Variants in ANKS1A observed in about 807,000 individuals in gnomAD.
The protein encoded by ANKS1A is ankyrin repeat and SAM domain-containing protein 1A.
Under a neutral mutation model 120.3 loss-of-function variants are expected in ANKS1A, and 55 were observed. That is an observed-to-expected ratio of 0.46 (90% confidence interval 0.37 to 0.57). The LOEUF (loss-of-function observed/expected upper bound fraction) is 0.57, where lower values mean the gene tolerates loss of function less well. Ranked by LOEUF, ANKS1A falls within the 20% of genes least tolerant of loss-of-function variation. The pLI is 0.00. For synonymous variants in ANKS1A, 590 were observed against 604.7 expected (o/e 0.98, Z 0.36); for missense variants, 1,123 against 1,480.3 (o/e 0.76, Z 3.96).
chr6:35,080,026 T>G (rs1191731570), intron 16 of ANKS1A, 98 bp downstream of exon 16: 6 of 1,364,708 alleles, frequency 4.4e-6, no homozygotes. Context: ...CACTGTAGTG[T>G]AGGAGAAAGC....
Position 35,018,940 on chromosome 6 carries a change from A to G in ANKS1A, c.2010+881A>G, listed in dbSNP as rs9348958. ...GGTTATTCTTACTGTGCTGTCCTGG[A>G]AGGCCAAATACTTCTTCCAGCAGAA... On this transcript the variant is annotated intron_variant, in intron 11 of 23. Coordinates refer to ENST00000360359, the MANE Select transcript of ANKS1A (RefSeq NM_015245.3). Among the ~76,000 whole-genome samples the G allele has an allele frequency of 2.8e-3, 424 of 152,194 alleles. 7 individuals are homozygous for G. Among genetic ancestry groups the G allele is most frequent in the East Asian group, 0.025 (129 of 5,174 alleles).
rs1348810979 is a variant in ANKS1A at position 35,044,194 on chromosome 6, G to A, written c.2011-9905G>A. Among the ~76,000 whole-genome samples the A allele has an allele frequency of 6.6e-6, 1 of 152,272 alleles. No individual in the cohort carries two copies. The highest frequency in any genetic ancestry group is 2.1e-4 in the South Asian group (1 of 4,834). On this transcript the variant is annotated intron_variant, in intron 11 of 23. Coordinates refer to ENST00000360359, the MANE Select transcript of ANKS1A (RefSeq NM_015245.3). This position sits in a 1 kb window ranked among gnomAD's most constrained non-coding sequence, Gnocchi z 4.4. Reference sequence around the variant, plus strand: ...GGGTGTGCGGGAGCAAGCCTGCCCAGTGTGGACATAGCCGTCCGCTGGCAT... The same window carrying A: ...GGGTGTGCGGGAGCAAGCCTGCCCAATGTGGACATAGCCGTCCGCTGGCAT...
intron 1 of ANKS1A, among the ~76,000 whole-genome samples, chr6:34,901,670 C>T (rs1767357327): frequency 6.6e-6 from 1 of 152,152 alleles, no homozygotes; most frequent in Admixed American, 6.5e-5. Flanking sequence ...GACACCATGC[C>T]CGGTTAATTT....
rs915578345 is a variant in ANKS1A, at chr6:35,089,697, C to T, written c.*1088C>T. On this transcript the variant is annotated 3_prime_UTR_variant, in exon 24 of 24. Transcript: ENST00000360359. ...TGGCCTTTGGGGCAGGCTGGCATCC[C>T]GGTGCGCCTCTGCTTCTTAAGCTTT... is the stretch of plus-strand genomic sequence containing the variant. 1.6e-5 allele frequency: 16 copies of T among 992,582 alleles called. No homozygotes were observed. Among genetic ancestry groups the T allele is most frequent in the East Asian group, 1.1e-4 (1 of 9,080 alleles). 61.5% of individuals were successfully genotyped at this position (992,582 alleles called of 1,614,324 possible).
At chr6:35,019,329 C>G (rs922842034) in intron 11 of ANKS1A, among the ~76,000 whole-genome samples, 1 of 152,156 alleles carries the variant, frequency 6.6e-6, no homozygotes, top group Non-Finnish European at 1.5e-5. Context: ...TCCATTTGAA[C>G]AATCTGTACA....
At chr6:34,930,073 G>A (rs189113494) in intron 1 of ANKS1A, among the ~76,000 whole-genome samples, 3 of 152,122 alleles carry the variant, frequency 2.0e-5, no homozygotes, top group East Asian at 1.9e-4. Context: ...CCAGAAGATC[G>A]TTTTACTAAA....
chr6:34,911,929 C>T (rs947451268), intron 1 of ANKS1A, among the ~76,000 whole-genome samples: 1 of 152,102 alleles, frequency 6.6e-6, no homozygotes, highest in Non-Finnish European at 1.5e-5. Context: ...GTGCTGTGAG[C>T]CACCAAGAGT....
intron 1 of ANKS1A, among the ~76,000 whole-genome samples, chr6:34,910,860 C>CAA (rs10715320): frequency 5.0e-5 from 4 of 80,294 alleles, no homozygotes; most frequent in Non-Finnish European, 1.2e-4. Context: ...AACTCCATCT[C>CAA]AAAAAAAAAA....
intron 1 of ANKS1A, among the ~76,000 whole-genome samples, chr6:34,909,319 T>C (rs1342833859): frequency 6.6e-6 from 1 of 152,202 alleles, no homozygotes; most frequent in East Asian, 1.9e-4. Flanking sequence ...TCCCATGTCA[T>C]TGATGCCAAA....
At chr6:34,938,809 G>A (rs1769387552) in intron 1 of ANKS1A, among the ~76,000 whole-genome samples, 2 of 151,876 alleles carry the variant, frequency 1.3e-5, no homozygotes, top group African/African-American at 4.8e-5. Context: ...CCAACATGGT[G>A]AAACCCCATC....
At chr6:34,936,698 A>G (rs1423273961) in intron 1 of ANKS1A, among the ~76,000 whole-genome samples, 1 of 152,198 alleles carries the variant, frequency 6.6e-6, no homozygotes, top group Admixed American at 6.5e-5. Flanking sequence ...ATAGCTCCCA[A>G]GGATATTCGG....
Position 34,982,850 on chromosome 6 carries a change from G to A in ANKS1A, c.808+23G>A. On this transcript the variant is annotated intron_variant, in intron 5 of 23. Transcript: ENST00000360359. The surrounding 1 kb of genome is among the most constrained non-coding windows in gnomAD (Gnocchi z 4.9). ...CAGGTGAGAGGTCGGCAGCGCTCTT[G>A]TCTACACAGCGTGCCAGGGTTGGGA... 2 of 1,614,136 alleles carry A rather than the reference G, an allele frequency of 1.2e-6. No homozygotes were observed. Among genetic ancestry groups the A allele is most frequent in the Non-Finnish European group, 1.7e-6 (2 of 1,179,982 alleles).
chr6:35,083,254 G>T, intron 19 of ANKS1A, 28 bp downstream of exon 19: 2 of 1,613,540 alleles, frequency 1.2e-6, no homozygotes, highest in Non-Finnish European at 1.7e-6. Context: ...GCTGGAGGGC[G>T]CTGTGGGACT....
At chr6:34,948,042 G>GT (rs1183758242) in intron 1 of ANKS1A, among the ~76,000 whole-genome samples, 8 of 151,288 alleles carry the variant, frequency 5.3e-5, no homozygotes, top group Non-Finnish European at 1.5e-5. Flanking sequence ...AAGTTTGTTT[G>GT]TTTTTTTTAC....
intron 1 of ANKS1A, among the ~76,000 whole-genome samples, chr6:34,912,091 G>C (rs756484936): frequency 2.4e-4 from 37 of 152,182 alleles, no homozygotes; most frequent in African/African-American, 8.4e-4. Flanking sequence ...TGTGACCTCT[G>C]TTCAGTGTCA....
rs185826206 is a variant in ANKS1A at position 34,890,104 on chromosome 6, T to C, written c.197+505T>C. On this transcript the variant is annotated intron_variant, in intron 1 of 23. Coordinates refer to ENST00000360359, the MANE Select transcript of ANKS1A (RefSeq NM_015245.3). ...CAGGACCTCGCTTTATTTTTTTTTTTCCCTCGAGACGGAGACTTGTTCTGT... is the reference window on the plus strand; with the variant it reads ...CAGGACCTCGCTTTATTTTTTTTTTCCCCTCGAGACGGAGACTTGTTCTGT... Among the ~76,000 whole-genome samples the C allele has an allele frequency of 1.9e-4, 28 of 150,378 alleles. 1 individual carries two copies. Among genetic ancestry groups the C allele is most frequent in the Admixed American group, 1.4e-3 (21 of 15,088 alleles).
At chr6:35,001,966 C>A (rs1031650415) in intron 10 of ANKS1A, among the ~76,000 whole-genome samples, 3 of 152,232 alleles carry the variant, frequency 2.0e-5, no homozygotes, top group African/African-American at 4.8e-5. Flanking sequence ...AGCAACAGCC[C>A]TGTTAGCACA....
intron 13 of ANKS1A, among the ~76,000 whole-genome samples, chr6:35,067,241 T>C (rs1251585308): frequency 6.6e-6 from 1 of 152,140 alleles, no homozygotes; most frequent in Non-Finnish European, 1.5e-5. Flanking sequence ...TGGTTCTTCC[T>C]GCCCCCACCC....
chr6:35,016,934 T>C (rs200912250), intron 10 of ANKS1A, among the ~76,000 whole-genome samples: 3,040 of 100,938 alleles, frequency 0.03, 52 homozygotes, highest in African/African-American at 0.06. Context: ...GATCATGACC[T>C]CTTTTTTTTT....
Sources: gnomAD v4.1 joint callset for allele counts (sites outside exome capture counted in the v4.1 genomes callset) on GRCh38, gnomAD v4.1.1 for gene constraint, Gnocchi (gnomAD v3.1) non-coding constraint, MANE v1.5 for transcripts, NCBI Gene and HGNC (gene_info 2026-07-23, HGNC 2026-07-21) for gene names.